MMD: variants seen among roughly 807,000 people sequenced by gnomAD.
MMD encodes monocyte to macrophage differentiation factor.
Under a neutral mutation model 33.6 loss-of-function variants are expected in MMD, and 22 were observed. The observed-to-expected ratio is 0.66, with a 90% CI of 0.47 to 0.94. The LOEUF (loss-of-function observed/expected upper bound fraction) is 0.94. Among genes scored for constraint, MMD ranks in the 40% least tolerant of loss-of-function variants. MMD has a pLI of 0.00. For missense variants in MMD, 242 were observed against 309.8 expected, an observed-to-expected ratio of 0.78 and a Z score of 1.64; for synonymous variants, 97 against 103.2, an observed-to-expected ratio of 0.94 and a Z score of 0.36.
intron 3 of MMD, among the ~76,000 whole-genome samples, chr17:55,409,167 T>C (rs1453456186): frequency 1.3e-5 from 2 of 152,246 alleles, no homozygotes; most frequent in African/African-American, 4.8e-5. Context: ...TGATACTTTA[T>C]GCCATAGGTC....
intron 2 of MMD, among the ~76,000 whole-genome samples, chr17:55,412,044 TCCA>T (rs1907786943): frequency 6.6e-6 from 1 of 152,104 alleles, no homozygotes; most frequent in Non-Finnish European, 1.5e-5. Flanking sequence ...ACCACTGAAC[TCCA>T]ACCTGGGAGG....
intron 4 of MMD, among the ~76,000 whole-genome samples, chr17:55,406,149 C>T (rs558972340): frequency 1.1e-3 from 169 of 152,182 alleles, no homozygotes; most frequent in African/African-American, 3.9e-3. Flanking sequence ...AATCCCAGCA[C>T]TTTGGGAGGC....
At chr17:55,399,683 G>A (rs969253197) in intron 6 of MMD, among the ~76,000 whole-genome samples, 18 of 152,124 alleles carry the variant, frequency 1.2e-4, no homozygotes, top group African/African-American at 4.3e-4. Context: ...TGTCATGTTC[G>A]CATAGCAGCC....
chr17:55,404,092 C>G (rs192597596), intron 4 of MMD, among the ~76,000 whole-genome samples: 1 of 152,290 alleles, frequency 6.6e-6, no homozygotes, highest in East Asian at 1.9e-4. Context: ...TGGTGGCTCA[C>G]ATCTGTAATC....
intron 6 of MMD, among the ~76,000 whole-genome samples, chr17:55,400,819 T>C (rs1312726844): frequency 1.3e-5 from 2 of 152,084 alleles, no homozygotes; most frequent in African/African-American, 4.8e-5. Flanking sequence ...GTAATTCAAT[T>C]TGAAAGGGAA....
At chr17:55,404,475 CA>C in intron 4 of MMD, 6 of 985,354 alleles carry the variant, frequency 6.1e-6, no homozygotes, top group Non-Finnish European at 7.2e-6. Flanking sequence ...AGAATGAGGT[CA>C]AAACTGCTTG....
intron 2 of MMD, 22 bp downstream of exon 2, chr17:55,414,129 A>G (rs766347934): frequency 2.5e-6 from 4 of 1,610,580 alleles, no homozygotes; most frequent in Non-Finnish European, 3.4e-6. Flanking sequence ...AAGGATGGCA[A>G]TGGTGGAAAA....
At chr17:55,395,330 G>C (rs897555482) in intron 6 of MMD, among the ~76,000 whole-genome samples, 27 of 152,350 alleles carry the variant, frequency 1.8e-4, no homozygotes, top group African/African-American at 6.5e-4. Context: ...GAAGAAACAA[G>C]TTAGTCCCCT....
At chr17:55,421,625 C>G (rs564339651) in intron 1 of MMD, 45 bp downstream of exon 1, 1 of 1,591,296 alleles carries the variant, frequency 6.3e-7, no homozygotes. Context: ...ATTTGGGAAC[C>G]CGCTTCTGAC....
intron 4 of MMD, 60 bp downstream of exon 4, chr17:55,407,686 G>T: frequency 1.4e-6 from 2 of 1,461,938 alleles, no homozygotes; most frequent in South Asian, 1.2e-5. Flanking sequence ...AAGGAAAGGA[G>T]GAGTGAGGAA....
chr17:55,410,970 G>A (rs1240862173), intron 3 of MMD, among the ~76,000 whole-genome samples: 2 of 152,164 alleles, frequency 1.3e-5, no homozygotes, highest in African/African-American at 4.8e-5. Flanking sequence ...GATAGTACTG[G>A]AAAATAGCTC....
chr17:55,401,900 G>A (rs1047346852), intron 5 of MMD, among the ~76,000 whole-genome samples: 5 of 151,854 alleles, frequency 3.3e-5, no homozygotes, highest in Admixed American at 6.6e-5. Flanking sequence ...GGTGAAACCC[G>A]TCCCTACTAA....
chr17:55,416,566 T>C (rs1211233815), intron 1 of MMD, among the ~76,000 whole-genome samples: 1 of 152,132 alleles, frequency 6.6e-6, no homozygotes, highest in Non-Finnish European at 1.5e-5. Context: ...GCTGGGAAAG[T>C]ACAATACAAT....
At chr17:55,408,792 G>A (rs1224191647) in intron 3 of MMD, among the ~76,000 whole-genome samples, 2 of 152,184 alleles carry the variant, frequency 1.3e-5, no homozygotes, top group African/African-American at 4.8e-5. Context: ...CTTGAGGTCA[G>A]GAATTTGAGA....
chr17:55,401,588 C>T, intron 5 of MMD, 50 bp from the exon 6 acceptor site: 1 of 1,426,390 alleles, frequency 7.0e-7, no homozygotes, highest in Non-Finnish European at 9.7e-7. Context: ...TCTATAACAC[C>T]TAACAATTTA....
chr17:55,417,864 T>G (rs1383706109), intron 1 of MMD, among the ~76,000 whole-genome samples: 2 of 152,174 alleles, frequency 1.3e-5, no homozygotes, highest in Admixed American at 6.5e-5. Flanking sequence ...AAAGTCTGCC[T>G]CTGGCTTCCC....
In MMD at chr17:55,417,138, C is replaced by T. The variant is rs1296806570; in HGVS notation, c.27-2906G>A. Among the ~76,000 whole-genome samples, 6 of 152,186 alleles carry T rather than the reference C, an allele frequency of 3.9e-5. No homozygotes were observed. The South Asian group carries it at 6.2e-4, about 16-fold the overall frequency. ...CTGTGCCCACTGAGTAGATCTGCAA[C>T]CCACCAGCAGATCTCAGAGGCTGAT... On this transcript the variant is annotated intron_variant, in intron 1 of 6. Coordinates refer to ENST00000262065, the MANE Select transcript of MMD (RefSeq NM_012329.3).
intron 2 of MMD, among the ~76,000 whole-genome samples, chr17:55,412,460 C>T (rs1173247118): frequency 1.3e-5 from 2 of 152,202 alleles, no homozygotes; most frequent in Non-Finnish European, 1.5e-5. Flanking sequence ...TGGTCACAAA[C>T]TTTAATGTCT....
intron 1 of MMD, among the ~76,000 whole-genome samples, chr17:55,416,242 T>C (rs1191973278): frequency 6.6e-6 from 1 of 152,230 alleles, no homozygotes; most frequent in Admixed American, 6.5e-5. Context: ...TAGCAATTTA[T>C]ATCTCTGGCA....
Sources: allele counts gnomAD v4.1 joint callset (sites outside exome capture counted in the v4.1 genomes callset), GRCh38; gene constraint gnomAD v4.1.1; transcripts MANE v1.5; gene names NCBI Gene and HGNC (gene_info 2026-07-23, HGNC 2026-07-21).